HNF4A: variants seen among roughly 807,000 people sequenced by gnomAD.
HNF4A encodes hepatocyte nuclear factor 4 alpha.
Under a neutral mutation model 52.4 loss-of-function variants are expected in HNF4A, and 15 were observed. That is an observed-to-expected ratio of 0.29 (90% CI 0.19 to 0.44). The LOEUF is 0.44. HNF4A is among the 20% of genes least tolerant of loss of function. The pLI is 1.00. For synonymous variants in HNF4A, 280 were observed against 264.4 expected (o/e 1.06, Z -0.57); for missense variants, 479 against 647.2 (o/e 0.74, Z 2.82).
At chr20:44,390,201 A>G (rs899529384) in intron 1 of HNF4A, among the ~76,000 whole-genome samples, 3 of 152,180 alleles carry the variant, frequency 2.0e-5, no homozygotes, top group East Asian at 1.9e-4. Context: ...AAGGATTACA[A>G]TGCCAATAGG....
intron 1 of HNF4A, among the ~76,000 whole-genome samples, chr20:44,405,333 T>TG (rs1183873940): frequency 6.6e-6 from 1 of 152,140 alleles, no homozygotes; most frequent in African/African-American, 2.4e-5. Flanking sequence ...CTGCCTTTTA[T>TG]GGTTAGAGAA....
intron 3 of HNF4A, among the ~76,000 whole-genome samples, chr20:44,411,729 G>A (rs117674188): frequency 6.6e-6 from 1 of 152,166 alleles, no homozygotes; most frequent in Non-Finnish European, 1.5e-5. Flanking sequence ...AATAGCTGGG[G>A]TGTCAATGTT....
chr20:44,404,929 GGT>G (rs555098327), intron 1 of HNF4A, among the ~76,000 whole-genome samples: 9 of 49,570 alleles, frequency 1.8e-4, no homozygotes, highest in Non-Finnish European at 2.3e-4. Context: ...GCTTGTGTGT[GGT>G]GTGTGTGCGT....
chr20:44,359,203 A>G (rs894512823), intron 1 of HNF4A, among the ~76,000 whole-genome samples: 3 of 152,138 alleles, frequency 2.0e-5, no homozygotes, highest in South Asian at 2.1e-4. Flanking sequence ...CGCTACAATG[A>G]TGATCATCAA....
At chr20:44,390,981 G>A (rs976036682) in intron 1 of HNF4A, among the ~76,000 whole-genome samples, 4 of 152,182 alleles carry the variant, frequency 2.6e-5, no homozygotes, top group African/African-American at 9.7e-5. Flanking sequence ...CACGGAGAGG[G>A]AAAATGACTT....
intron 1 of HNF4A, among the ~76,000 whole-genome samples, chr20:44,361,063 C>T (rs947715350): frequency 1.3e-5 from 2 of 152,046 alleles, no homozygotes; most frequent in African/African-American, 4.8e-5. Context: ...GCTGTTCCCA[C>T]CCTTCATTCT....
intron 1 of HNF4A, among the ~76,000 whole-genome samples, chr20:44,387,132 G>C (rs1475004551): frequency 6.6e-6 from 1 of 151,710 alleles, no homozygotes; most frequent in East Asian, 1.9e-4. Context: ...GCGAAACCCC[G>C]TCTCTACTAA....
rs1302418597 is a variant in HNF4A at position 44,392,720 on chromosome 20, C to T, written c.50-13338C>T. ...TGAGTCTCTGCTTTGTTAGACAAAA[C>T]TTCTCCAATGGGAAACCAAGGCCAG... On this transcript the variant is annotated intron_variant, in intron 1 of 9. Coordinates refer to the HNF4A transcript ENST00000316673. 2.6e-5 allele frequency among the ~76,000 whole-genome samples: 4 copies of T among 152,182 alleles called. No individual in the cohort carries two copies. The East Asian group carries it at 7.7e-4, about 29-fold the overall frequency.
At chr20:44,433,285 G>A (rs987481981), downstream of HNF4A, 6 of 153,058 alleles carry the variant, frequency 3.9e-5, no homozygotes, top group African/African-American at 1.4e-4. Flanking sequence ...ACCTTTTGCT[G>A]GGTCACCTCA....
intron 3 of HNF4A, among the ~76,000 whole-genome samples, chr20:44,409,668 G>A (rs2063553151): frequency 6.6e-6 from 1 of 152,102 alleles, no homozygotes; most frequent in Non-Finnish European, 1.5e-5. Context: ...ATTTTCACTT[G>A]TGTAATTTAG....
At chr20:44,421,658 G>A (rs943649360) in intron 7 of HNF4A, among the ~76,000 whole-genome samples, 2 of 151,856 alleles carry the variant, frequency 1.3e-5, no homozygotes, top group Admixed American at 1.3e-4. Flanking sequence ...GGAGGCTGAG[G>A]CAGGAGAATC....
intron 1 of HNF4A, among the ~76,000 whole-genome samples, chr20:44,388,701 G>A (rs777611272): frequency 1.5e-4 from 23 of 152,314 alleles, no homozygotes; most frequent in Non-Finnish European, 3.2e-4. Context: ...GCCACGAGGA[G>A]GAGCCCAGGA....
chr20:44,412,586 GC>G (rs1292193901), intron 3 of HNF4A, among the ~76,000 whole-genome samples: 1 of 152,156 alleles, frequency 6.6e-6, no homozygotes, highest in Non-Finnish European at 1.5e-5. Context: ...CTGGTTTTGA[GC>G]AGCAGGCGAC....
At chr20:44,425,801 C>A (rs6130613) in intron 8 of HNF4A, among the ~76,000 whole-genome samples, 1 of 151,616 alleles carries the variant, frequency 6.6e-6, no homozygotes, top group African/African-American at 2.4e-5. Context: ...ACTACAGGTG[C>A]GTGCCACCAC....
intron 5 of HNF4A, among the ~76,000 whole-genome samples, chr20:44,417,697 G>C (rs1365800791): frequency 1.3e-5 from 2 of 152,120 alleles, no homozygotes; most frequent in African/African-American, 4.8e-5. Flanking sequence ...TTCAGGCCGG[G>C]CGCAGTGGTT....
Position 44,413,838 on chromosome 20 carries a change from C to G in HNF4A, c.492+38C>G, listed in dbSNP as rs1240201099. 2.8e-6 allele frequency: 4 copies of G among 1,405,946 alleles called. No homozygotes were observed. The African/African-American group carries it at 4.2e-5, about 15-fold the overall frequency. 87.1% of individuals were successfully genotyped at this position (1,405,946 alleles called of 1,614,324 possible). ...TCCTGCCACCCACCCAGGGATCCCC[C>G]ACACTACAGAGGAGCTCACCTCCTC... On this transcript the variant is annotated intron_variant, in intron 4 of 9. Transcript: ENST00000316099.
At chr20:44,394,939 G>A (rs1237292447) in intron 1 of HNF4A, among the ~76,000 whole-genome samples, 3 of 152,226 alleles carry the variant, frequency 2.0e-5, no homozygotes, top group Non-Finnish European at 4.4e-5. Context: ...CCCAGGGATG[G>A]GGCCCAGTTA....
At chr20:44,433,179 AGAGGGGAGTGAT>A (rs1434900335), downstream of HNF4A, 1 of 152,092 alleles carries the variant, frequency 6.6e-6, no homozygotes, top group Non-Finnish European at 1.5e-5. Context: ...CCCTTCTTGA[AGAGGGGAGTGAT>A]GAGGGGAGAG....
At chr20:44,385,057 A>ATTTTTTTTTTTTTTTTTTTTTT (rs1491454694) in intron 1 of HNF4A, among the ~76,000 whole-genome samples, 5 of 29,922 alleles carry the variant, frequency 1.7e-4, no homozygotes, top group African/African-American at 2.2e-4. Flanking sequence ...GAACTCTGTG[A>ATTTTTTTTTTTTTTTTTTTTTT]TCTTTTTTTT....
Sources: gnomAD v4.1 joint callset for allele counts (sites outside exome capture counted in the v4.1 genomes callset) on GRCh38, gnomAD v4.1.1 for gene constraint, MANE v1.5 for transcripts, NCBI Gene and HGNC (gene_info 2026-07-23, HGNC 2026-07-21) for gene names.